The following ANO3 variants were observed in gnomAD, a reference collection of about 807,000 sequenced individuals.
ANO3 encodes anoctamin 3, also known as anoctamin-3.
ANO3 carries 99 observed loss-of-function variants against 144.8 expected under a neutral mutation model. The observed-to-expected ratio is 0.68, with a 90% CI of 0.58 to 0.81. ANO3 has a LOEUF of 0.81. Among genes scored for constraint, ANO3 ranks in the 30% least tolerant of loss-of-function variants. ANO3 has a pLI of 0.00. For missense variants in ANO3, 905 were observed against 1,202.2 expected (o/e 0.75, Z 3.66); for synonymous variants, 414 against 392.6 (o/e 1.05, Z -0.64).
rs945067437 is a variant in ANO3, at chr11:26,622,335, G to A, written c.1837-2127G>A. Among the ~76,000 whole-genome samples, 7 of 151,944 alleles carry A rather than the reference G, an allele frequency of 4.6e-5. No homozygotes were observed. In the East Asian group the frequency reaches 7.7e-4, roughly 17 times the overall value. On this transcript the variant is annotated intron_variant, in intron 17 of 26. Coordinates refer to ENST00000256737, the MANE Select transcript of ANO3 (RefSeq NM_031418.4). The stretch of plus-strand genomic sequence containing the variant: ...GACAAAAATTTGAATAGGGCTGGGC[G>A]TGGTGGCTCATGTCTGTAATCCTAG...
Position 26,643,297 on chromosome 11 carries a change from A to G in ANO3, c.2391A>G (p.Gln797=), listed in dbSNP as rs774857479. 13 of 1,614,056 alleles carry G rather than the reference A, an allele frequency of 8.1e-6. No individual in the cohort carries two copies. Among genetic ancestry groups the G allele is most frequent in the Admixed American group, 1.7e-5 (1 of 60,004 alleles). The change falls in exon 23 of 27, where the codon CAA becomes CAG. Residue 797 remains glutamine, a synonymous_variant. Transcript: ENST00000256737. ...IRLDAYKFVT[Q]WRRPLPARAT... is the part of the protein sequence containing the mutation. Reference sequence around the variant, plus strand: ...TGGATGCATACAAATTTGTCACTCAATGGCGGAGGCCTTTGCCAGCCCGAG... The same window carrying G: ...TGGATGCATACAAATTTGTCACTCAGTGGCGGAGGCCTTTGCCAGCCCGAG...
intron 14 of ANO3, chr11:26,565,966 T>A (rs1850564528): frequency 3.0e-6 from 4 of 1,326,444 alleles, no homozygotes; most frequent in Admixed American, 2.9e-5. Context: ...GATCTATATA[T>A]TTTAAAGTGA....
chr11:26,216,825 T>C (rs1309615254), intron 1 of ANO3, among the ~76,000 whole-genome samples: 1 of 152,020 alleles, frequency 6.6e-6, no homozygotes, highest in Non-Finnish European at 1.5e-5. Flanking sequence ...CAACAAGATG[T>C]TGGAAATATT....
rs1464975810 is a variant in ANO3, at chr11:26,598,963, C to G, written c.1636C>G (p.Arg546Gly). The G allele has an allele frequency of 6.2e-7, 1 of 1,613,924 alleles. No individual in the cohort carries two copies. Among genetic ancestry groups the G allele is most frequent in the South Asian group, 1.1e-5 (1 of 91,052 alleles). Reference protein sequence around the residue: ...PHQPSSDKVTRLLVSVSGIFF... With the variant: ...PHQPSSDKVTGLLVSVSGIFF... The stretch of plus-strand genomic sequence containing the variant: ...TCAGCCTTCCTCAGACAAAGTCACT[C>G]GTCTTCTTGTTTCTGTCTCAGGAAT... Residue 546 changes from arginine to glycine, a missense_variant, in exon 16 of 27, where the codon CGT becomes GGT. Arg to Gly is a moderately radical substitution (Grantham distance 125, BLOSUM62 -2). Coordinates refer to ENST00000256737, the MANE Select transcript of ANO3 (RefSeq NM_031418.4).
intron 16 of ANO3, 41 bp from the exon 17 acceptor site, chr11:26,599,509 A>T (rs755737165): frequency 1.3e-6 from 2 of 1,586,208 alleles, no homozygotes; most frequent in Admixed American, 1.7e-5. Flanking sequence ...CTTGTTAATG[A>T]TGTAAAATAT....
At chr11:26,649,117 AT>A (rs1404883290) in intron 24 of ANO3, among the ~76,000 whole-genome samples, 3 of 152,114 alleles carry the variant, frequency 2.0e-5, no homozygotes, top group African/African-American at 7.2e-5. Flanking sequence ...TGTCTACTTT[AT>A]TTTAGAGATA....
intron 1 of ANO3, among the ~76,000 whole-genome samples, chr11:26,253,143 G>A (rs950887556): frequency 4.6e-5 from 7 of 152,094 alleles, no homozygotes; most frequent in African/African-American, 1.4e-4. Flanking sequence ...CCATGGCTAT[G>A]GTACACAGCA....
chr11:26,464,370 CT>C (rs1859523365), intron 4 of ANO3, among the ~76,000 whole-genome samples: 1 of 151,870 alleles, frequency 6.6e-6, no homozygotes, highest in Admixed American at 6.6e-5. Flanking sequence ...CTGTAAAGCA[CT>C]GTTCCAAATG....
intron 4 of ANO3, among the ~76,000 whole-genome samples, chr11:26,479,446 C>G (rs1346594409): frequency 6.6e-6 from 1 of 152,170 alleles, no homozygotes; most frequent in Non-Finnish European, 1.5e-5. Flanking sequence ...CACAGTTCCA[C>G]ATGGCTGGGG....
At chr11:26,236,409 T>C (rs934990162) in intron 1 of ANO3, among the ~76,000 whole-genome samples, 8 of 137,240 alleles carry the variant, frequency 5.8e-5, no homozygotes, top group African/African-American at 2.0e-4. Context: ...AAGTGTTTTG[T>C]TTGCTTTTTT....
At chr11:26,311,381 C>T (rs200966769) in intron 1 of ANO3, among the ~76,000 whole-genome samples, 2 of 152,348 alleles carry the variant, frequency 1.3e-5, no homozygotes, top group East Asian at 1.9e-4. Context: ...CTTGAACCCA[C>T]ATCTGTCTCC....
intron 7 of ANO3, among the ~76,000 whole-genome samples, chr11:26,529,099 T>TATATATATTATATAATTATATTATATGTA (rs1565081218): frequency 7.9e-5 from 1 of 12,592 alleles, no homozygotes; most frequent in Non-Finnish European, 2.0e-4. Flanking sequence ...ATTTCTATAT[T>TATATATATTATATAATTATATTATATGTA]ATATATATTA....
intron 1 of ANO3, among the ~76,000 whole-genome samples, chr11:26,275,620 TA>T (rs923619476): frequency 1.3e-5 from 2 of 152,150 alleles, no homozygotes; most frequent in African/African-American, 4.8e-5. Context: ...TGCTGTTTTC[TA>T]AAGTCATACT....
chr11:26,408,441 G>A (rs1202044705), intron 1 of ANO3, among the ~76,000 whole-genome samples: 1 of 151,878 alleles, frequency 6.6e-6, no homozygotes, highest in South Asian at 2.1e-4. Flanking sequence ...TCTCACACCA[G>A]TTAGAATGGC....
At chr11:26,321,224 T>G (rs1228174011) in intron 1 of ANO3, among the ~76,000 whole-genome samples, 2 of 152,096 alleles carry the variant, frequency 1.3e-5, no homozygotes, top group African/African-American at 4.8e-5. Flanking sequence ...AAAGGAAATC[T>G]TGAGTATTTT....
At chr11:26,531,464 A>C in intron 8 of ANO3, 128 bp downstream of exon 8, 1 of 1,084,920 alleles carries the variant, frequency 9.2e-7, no homozygotes, top group Admixed American at 2.7e-5. Context: ...TTGTATTAAA[A>C]TACACACTTA....
intron 6 of ANO3, among the ~76,000 whole-genome samples, chr11:26,523,766 C>G (rs1470589660): frequency 6.6e-6 from 1 of 151,986 alleles, no homozygotes; most frequent in Non-Finnish European, 1.5e-5. Flanking sequence ...AAAGCATTTT[C>G]TCAAAGTTTT....
intron 1 of ANO3, among the ~76,000 whole-genome samples, chr11:26,211,434 T>A (rs926575541): frequency 6.6e-6 from 1 of 151,992 alleles, no homozygotes; most frequent in African/African-American, 2.4e-5. Flanking sequence ...ATCCTAACAT[T>A]TATGTGGCCA....
intron 18 of ANO3, among the ~76,000 whole-genome samples, chr11:26,633,785 A>G (rs1439129007): frequency 6.6e-6 from 1 of 152,132 alleles, no homozygotes; most frequent in African/African-American, 2.4e-5. Flanking sequence ...TCATAGAACT[A>G]AAAAACTTGG....
Sources: allele counts gnomAD v4.1 joint callset (sites outside exome capture counted in the v4.1 genomes callset), GRCh38; gene constraint gnomAD v4.1.1; transcripts MANE v1.5; gene names NCBI Gene and HGNC (gene_info 2026-07-23, HGNC 2026-07-21).